Variants in COL4A5 observed in about 807,000 individuals in gnomAD.
The protein encoded by COL4A5 is collagen type IV alpha 5 chain.
In COL4A5, 26 loss-of-function variants were observed where a neutral mutation model predicts 130.2. The ratio of observed to expected loss-of-function variants is 0.20; its 90% CI spans 0.15 to 0.28. COL4A5 has a LOEUF of 0.28. Among genes scored for constraint, COL4A5 ranks in the 10% least tolerant of loss-of-function variants. The probability of loss-of-function intolerance (pLI) is 1.00; values close to 1 mark genes in which losing one functional copy is unlikely to be tolerated. For synonymous variants in COL4A5, 496 were observed against 439.6 expected (o/e 1.13, Z -1.60); for missense variants, 1,131 against 1,344.3 (o/e 0.84, Z 2.48).
At chrX:108,554,484 C>T (rs183517077) in intron 2 of COL4A5, among the ~76,000 whole-genome samples, 7 of 111,452 alleles carry the variant, frequency 6.3e-5, no homozygotes, top group Admixed American at 5.7e-4. Flanking sequence ...TCCCTCAACA[C>T]TTGGGGATTA....
intron 1 of COL4A5, among the ~76,000 whole-genome samples, chrX:108,469,086 A>G (rs2064737869): frequency 2.0e-5 from 2 of 101,601 alleles, no homozygotes; most frequent in African/African-American, 7.2e-5. Flanking sequence ...GGTAATTTGT[A>G]TGTTTCTAGA....
intron 36 of COL4A5, among the ~76,000 whole-genome samples, chrX:108,635,292 G>T (rs1395337107): frequency 9.2e-6 from 1 of 108,759 alleles, no homozygotes; most frequent in Admixed American, 9.8e-5. Flanking sequence ...TCATAAAAAA[G>T]AAAAAAAAGG....
chrX:108,643,333 C>T (rs1294312320), intron 36 of COL4A5, among the ~76,000 whole-genome samples: 2 of 111,683 alleles, frequency 1.8e-5, no homozygotes, highest in Non-Finnish European at 3.8e-5. Flanking sequence ...TTGCTAGAGA[C>T]CTAGACATCC....
intron 29 of COL4A5, among the ~76,000 whole-genome samples, chrX:108,611,216 A>G (rs1238695806): frequency 9.0e-6 from 1 of 111,485 alleles, no homozygotes; most frequent in African/African-American, 3.3e-5. Flanking sequence ...ATATATCTAT[A>G]TGAGGAAGAA....
intron 36 of COL4A5, among the ~76,000 whole-genome samples, chrX:108,635,730 A>C (rs1286828784): frequency 8.9e-6 from 1 of 112,196 alleles, no homozygotes; most frequent in African/African-American, 3.2e-5. Context: ...AGAGTCCAGA[A>C]ATACCCATAC....
At chrX:108,650,686 C>T (rs912658203) in intron 36 of COL4A5, among the ~76,000 whole-genome samples, 3 of 110,659 alleles carry the variant, frequency 2.7e-5, no homozygotes, top group African/African-American at 9.8e-5. Flanking sequence ...AATGGAAAAC[C>T]GAACATTGTA....
At position 108,440,120 on chromosome X, in the gene COL4A5, A is replaced by G. The variant is rs1179427799; in HGVS notation, c.-6A>G. 2 of 1,204,695 alleles carry G rather than the reference A, an allele frequency of 1.7e-6. No homozygotes were observed. Among genetic ancestry groups the G allele is most frequent in the Admixed American group, 4.4e-5 (2 of 45,843 alleles). On this transcript the variant is annotated 5_prime_UTR_variant, in exon 1 of 53. Coordinates refer to ENST00000328300, the MANE Select transcript of COL4A5 (RefSeq NM_033380.3). ...GTGCTGAAGGAGCTGCGGGAGCCGG[A>G]GAAGAATGAAACTGCGTGGAGTCAG... is the stretch of plus-strand genomic sequence containing the variant.
intron 49 of COL4A5, chrX:108,689,700 C>T (rs1044399974): frequency 2.7e-6 from 2 of 752,675 alleles, no homozygotes; most frequent in Non-Finnish European, 3.1e-6. Flanking sequence ...CAATTACCTC[C>T]TGATCGAATA....
intron 1 of COL4A5, among the ~76,000 whole-genome samples, chrX:108,513,137 C>T (rs2065193397): frequency 9.0e-6 from 1 of 111,519 alleles, no homozygotes; most frequent in African/African-American, 3.3e-5. Context: ...GGATTAATAG[C>T]TGGGAGTGGA....
chrX:108,593,314 T>C (rs759353585), intron 21 of COL4A5, among the ~76,000 whole-genome samples: 1 of 111,937 alleles, frequency 8.9e-6, no homozygotes, highest in South Asian at 3.7e-4. Context: ...ACAGTTTTTA[T>C]ATTCTCTTTT....
chrX:108,678,418 T>C (rs999499166), intron 44 of COL4A5, among the ~76,000 whole-genome samples: 3 of 112,081 alleles, frequency 2.7e-5, no homozygotes, highest in Admixed American at 9.5e-5. Flanking sequence ...ACTCACTCCC[T>C]ATAAATATGC....
chrX:108,513,348 T>C (rs1216833408), intron 1 of COL4A5, among the ~76,000 whole-genome samples: 2 of 111,925 alleles, frequency 1.8e-5, no homozygotes, highest in African/African-American at 6.5e-5. Context: ...CATTTTATAT[T>C]CCCATCAATC....
chrX:108,688,788 G>A (rs1213283434), intron 49 of COL4A5, among the ~76,000 whole-genome samples: 3 of 111,760 alleles, frequency 2.7e-5, no homozygotes, highest in Non-Finnish European at 5.6e-5. Flanking sequence ...AGACATTTAA[G>A]AAGATAGTCT....
At chrX:108,529,946 C>T (rs964960684) in intron 1 of COL4A5, among the ~76,000 whole-genome samples, 2 of 111,234 alleles carry the variant, frequency 1.8e-5, no homozygotes, top group Non-Finnish European at 3.8e-5. Context: ...GATGACAATA[C>T]AATCAAAGTG....
chrX:108,590,971 A>G lies in COL4A5; in HGVS notation c.1166-87A>G, dbSNP rs1271971933. ...CATAACCAGAATTATATGTTAAAGGAAGATCTTATCATTATCTAATGTCTC... is the reference window on the plus strand; with the variant it reads ...CATAACCAGAATTATATGTTAAAGGGAGATCTTATCATTATCTAATGTCTC... On this transcript the variant is annotated intron_variant, in intron 19 of 52. Transcript: ENST00000328300. 5.8e-6 allele frequency: 5 copies of G among 859,475 alleles called. No individual in the cohort carries two copies. The African/African-American group carries it at 1.0e-4, about 17-fold the overall frequency. 70.8% of individuals were successfully genotyped at this position (859,475 alleles called of 1,213,427 possible).
chrX:108,551,202 C>A (rs1357534289), intron 2 of COL4A5, among the ~76,000 whole-genome samples: 2 of 111,516 alleles, frequency 1.8e-5, no homozygotes, highest in Non-Finnish European at 3.8e-5. Flanking sequence ...ACAGAGTAAA[C>A]CAGCAGCCTA....
chrX:108,648,103 G>A (rs1011553476), intron 36 of COL4A5, among the ~76,000 whole-genome samples: 7 of 111,060 alleles, frequency 6.3e-5, no homozygotes, highest in African/African-American at 2.3e-4. Context: ...CATAAAATGA[G>A]TTAGGGAGGA....
chrX:108,626,178 G>A, intron 35 of COL4A5, 32 bp from the exon 36 acceptor site: 1 of 1,188,496 alleles, frequency 8.4e-7, no homozygotes, highest in Non-Finnish European at 1.1e-6. Flanking sequence ...AGCATATTTT[G>A]TAAAATATTA....
intron 37 of COL4A5, among the ~76,000 whole-genome samples, chrX:108,664,494 C>T (rs1217188446): frequency 1.8e-5 from 2 of 111,444 alleles, no homozygotes; most frequent in Non-Finnish European, 3.8e-5. Context: ...TAGATATTTC[C>T]GTGACTTGGC....
Sources: gnomAD v4.1 joint callset for allele counts (sites outside exome capture counted in the v4.1 genomes callset) on GRCh38, gnomAD v4.1.1 for gene constraint, MANE v1.5 for transcripts, NCBI Gene and HGNC (gene_info 2026-07-23, HGNC 2026-07-21) for gene names.